RERE: variants seen among roughly 807,000 people sequenced by gnomAD.
RERE encodes the protein arginine-glutamic acid dipeptide repeats.
RERE carries 40 observed loss-of-function variants against 146.1 expected under a neutral mutation model. The ratio of observed to expected loss-of-function variants is 0.27; its 90% CI spans 0.21 to 0.36. RERE has a LOEUF of 0.36. Among genes scored for constraint, RERE ranks in the 10% least tolerant of loss-of-function variants. The pLI, the probability that RERE is intolerant of heterozygous loss-of-function variation, is 1.00. For missense variants in RERE, 1,933 were observed against 2,138.7 expected, an observed-to-expected ratio of 0.90 and a Z score of 1.90; for synonymous variants, 1,003 against 866.0, an observed-to-expected ratio of 1.16 and a Z score of -2.78.
chr1:8,725,428 T>C (rs571328488), intron 1 of RERE, among the ~76,000 whole-genome samples: 5 of 152,020 alleles, frequency 3.3e-5, no homozygotes, highest in African/African-American at 7.2e-5. Context: ...TATCCGGGCA[T>C]GGTGGTGGGC....
chr1:8,564,880 A>G (rs1281483305), intron 4 of RERE, among the ~76,000 whole-genome samples: 12 of 105,778 alleles, frequency 1.1e-4, no homozygotes, highest in African/African-American at 4.2e-4. Flanking sequence ...GTATATATAT[A>G]TATAAAACTA....
intron 10 of RERE, among the ~76,000 whole-genome samples, chr1:8,489,481 TA>T: frequency 6.6e-6 from 1 of 152,108 alleles, no homozygotes; most frequent in Non-Finnish European, 1.5e-5. Context: ...ACAATCCTTA[TA>T]ACTAAATTGT....
At chr1:8,537,105 G>A (rs1645736163) in intron 7 of RERE, among the ~76,000 whole-genome samples, 2 of 152,144 alleles carry the variant, frequency 1.3e-5, no homozygotes, top group African/African-American at 4.8e-5. Context: ...TTGGGAGGAT[G>A]AGGCAGGAGG....
intron 3 of RERE, among the ~76,000 whole-genome samples, chr1:8,615,429 GAA>G (rs1165448618): frequency 2.0e-5 from 3 of 151,576 alleles, no homozygotes; most frequent in African/African-American, 4.8e-5. Context: ...TAAAAACCAG[GAA>G]AAAAAAGACT....
intron 1 of RERE, among the ~76,000 whole-genome samples, chr1:8,708,511 G>C (rs553131238): frequency 6.6e-6 from 1 of 152,014 alleles, no homozygotes; most frequent in Non-Finnish European, 1.5e-5. Context: ...ATTTTTAGTA[G>C]AGATAGGGTT....
chr1:8,515,938 CG>C (rs1044846677), intron 7 of RERE, among the ~76,000 whole-genome samples: 1 of 151,754 alleles, frequency 6.6e-6, no homozygotes, highest in African/African-American at 2.4e-5. Context: ...AGGTGTAGGC[CG>C]GGTGCGGTGG....
chr1:8,562,424 G>A (rs966630809), intron 4 of RERE, among the ~76,000 whole-genome samples: 6 of 152,260 alleles, frequency 3.9e-5, no homozygotes, highest in Middle Eastern at 3.4e-3. Flanking sequence ...GCACCCTAGG[G>A]TGTACTTCTG....
intron 6 of RERE, among the ~76,000 whole-genome samples, chr1:8,542,997 A>G (rs887135580): frequency 6.6e-6 from 1 of 151,738 alleles, no homozygotes; most frequent in Non-Finnish European, 1.5e-5. Context: ...GATCTTAACA[A>G]ATAAATTATT....
At chr1:8,386,018 ATATATTTTTTTTTTTT>A (rs1246617609) in intron 12 of RERE, among the ~76,000 whole-genome samples, 35 of 41,904 alleles carry the variant, frequency 8.4e-4, no homozygotes, top group African/African-American at 3.0e-3. Flanking sequence ...ATATATATAT[ATATATTTTTTTTTTTT>A]TTTTTTTTTT....
At position 8,362,322 on chromosome 1, in the gene RERE, T is replaced by C. The variant is rs1359326224; in HGVS notation, c.1902+361A>G. 2.0e-5 allele frequency among the ~76,000 whole-genome samples: 3 copies of C among 152,158 alleles called. No homozygotes were observed. In the South Asian group the frequency reaches 6.2e-4, roughly 32 times the overall value. On this transcript the variant is annotated intron_variant, in intron 16 of 22. Coordinates refer to ENST00000400908, the MANE Select transcript of RERE (RefSeq NM_001042681.2). ...AAACCATGTGTCGATGTATATGAGA[T>C]TTGAGCACCTGTGGATTTTGGTATC...
chr1:8,801,600 A>G (rs1342982561), intron 1 of RERE, among the ~76,000 whole-genome samples: 1 of 152,200 alleles, frequency 6.6e-6, no homozygotes, highest in Non-Finnish European at 1.5e-5. Context: ...AAAAGATATC[A>G]TTGTACACAT....
At chr1:8,730,700 G>A (rs1338034231) in intron 1 of RERE, among the ~76,000 whole-genome samples, 2 of 152,176 alleles carry the variant, frequency 1.3e-5, no homozygotes, top group East Asian at 3.8e-4. Context: ...GTACAGTGGT[G>A]CAATCACAGC....
chr1:8,650,895 C>A (rs1467898257), intron 2 of RERE, among the ~76,000 whole-genome samples: 2 of 144,794 alleles, frequency 1.4e-5, no homozygotes, highest in East Asian at 2.0e-4. Flanking sequence ...GACTCCATCT[C>A]AAAAAAAAAT....
At chr1:8,588,545 A>G (rs1646455005) in intron 4 of RERE, among the ~76,000 whole-genome samples, 1 of 152,196 alleles carries the variant, frequency 6.6e-6, no homozygotes, top group Admixed American at 6.5e-5. Context: ...AAGGCAGCCA[A>G]ATCTTGAGCA....
Position 8,364,729 on chromosome 1 carries a change from G to A in RERE, c.1540+17C>T, listed in dbSNP as rs771973378. Reference sequence around the variant, plus strand: ...TGTGCCCCCGCCCCGCCCCAGGAGCGTGACGAGGCCACTTACTGGTGGTGA... The same window carrying A: ...TGTGCCCCCGCCCCGCCCCAGGAGCATGACGAGGCCACTTACTGGTGGTGA... On this transcript the variant is annotated intron_variant, in intron 14 of 22. Transcript: ENST00000400908. This position sits in a 1 kb window ranked among gnomAD's most constrained non-coding sequence, Gnocchi z 5.1. 6.9e-6 allele frequency: 11 copies of A among 1,600,378 alleles called. No individual in the cohort carries two copies. Among genetic ancestry groups the A allele is most frequent in the East Asian group, 4.5e-5 (2 of 44,832 alleles).
intron 1 of RERE, among the ~76,000 whole-genome samples, chr1:8,795,254 G>A (rs1557547571): frequency 6.6e-6 from 1 of 151,922 alleles, no homozygotes; most frequent in Non-Finnish European, 1.5e-5. Flanking sequence ...TCGAACTCCT[G>A]ACTTTGTGAC....
intron 12 of RERE, among the ~76,000 whole-genome samples, chr1:8,386,836 G>A (rs1395178980): frequency 2.6e-5 from 4 of 152,046 alleles, no homozygotes; most frequent in Non-Finnish European, 2.9e-5. Context: ...CTGCAACTTT[G>A]GGTGCAGAAG....
chr1:8,619,722 G>T (rs1646896074), intron 3 of RERE, among the ~76,000 whole-genome samples: 1 of 152,132 alleles, frequency 6.6e-6, no homozygotes, highest in Non-Finnish European at 1.5e-5. Context: ...ACTTCCAGAT[G>T]GCAAATTATT....
intron 1 of RERE, among the ~76,000 whole-genome samples, chr1:8,700,200 G>A (rs1339946228): frequency 6.6e-6 from 1 of 152,086 alleles, no homozygotes; most frequent in Non-Finnish European, 1.5e-5. Flanking sequence ...AGCTACTCAG[G>A]AGGCTGAGGC....
Sources: gnomAD v4.1 joint callset for allele counts (sites outside exome capture counted in the v4.1 genomes callset) on GRCh38, gnomAD v4.1.1 for gene constraint, Gnocchi (gnomAD v3.1) non-coding constraint, MANE v1.5 for transcripts, NCBI Gene and HGNC (gene_info 2026-07-23, HGNC 2026-07-21) for gene names.